Variants in CSMD3 observed in about 807,000 individuals in gnomAD.
The protein encoded by CSMD3 is CUB and Sushi multiple domains 3.
Under a neutral mutation model 435.2 loss-of-function variants are expected in CSMD3, and 177 were observed. The observed-to-expected ratio is 0.41, with a 90% CI of 0.36 to 0.46. CSMD3 has a LOEUF of 0.46. Among genes scored for constraint, CSMD3 ranks in the 20% least tolerant of loss-of-function variants. The pLI is 0.34. For synonymous variants in CSMD3, 1,656 were observed against 1,520.5 expected (o/e 1.09, Z -2.07); for missense variants, 4,265 against 4,504.6 (o/e 0.95, Z 1.52).
intron 7 of CSMD3, among the ~76,000 whole-genome samples, chr8:112,966,953 C>T (rs1030065759): frequency 1.3e-5 from 2 of 151,892 alleles, no homozygotes; most frequent in African/African-American, 4.8e-5. Flanking sequence ...GAGGAATAGA[C>T]AGTGTTGGGA....
intron 32 of CSMD3, among the ~76,000 whole-genome samples, chr8:112,424,753 G>A (rs1415255721): frequency 2.0e-5 from 3 of 152,140 alleles, no homozygotes; most frequent in South Asian, 2.1e-4. Flanking sequence ...GTACAGTGGC[G>A]TGATCTCGGC....
chr8:113,290,209 T>C (rs1039298565), intron 2 of CSMD3, among the ~76,000 whole-genome samples: 2 of 151,638 alleles, frequency 1.3e-5, no homozygotes, highest in African/African-American at 2.4e-5. Flanking sequence ...TTAAAAAATA[T>C]ATTAAGAAGA....
intron 41 of CSMD3, among the ~76,000 whole-genome samples, chr8:112,343,878 T>A (rs890742326): frequency 3.3e-5 from 5 of 151,678 alleles, no homozygotes; most frequent in Non-Finnish European, 7.4e-5. Flanking sequence ...ATTATTTATT[T>A]ATTATTTATT....
At chr8:112,412,614 A>G (rs1320388845) in intron 32 of CSMD3, among the ~76,000 whole-genome samples, 1 of 152,168 alleles carries the variant, frequency 6.6e-6, no homozygotes, top group Non-Finnish European at 1.5e-5. Flanking sequence ...AGTGGTATAT[A>G]TACTGTAGTA....
intron 10 of CSMD3, among the ~76,000 whole-genome samples, chr8:112,870,820 G>GAA (rs200086188): frequency 1.3e-5 from 2 of 150,060 alleles, no homozygotes; most frequent in Non-Finnish European, 3.0e-5. Flanking sequence ...TTATATTCTA[G>GAA]AAAAAAAAAG....
intron 4 of CSMD3, among the ~76,000 whole-genome samples, chr8:113,120,072 T>C (rs1260206129): frequency 6.6e-6 from 1 of 151,996 alleles, no homozygotes; most frequent in African/African-American, 2.4e-5. Context: ...AAAAATACAA[T>C]GTAAAATGTA....
chr8:112,828,232 G>C (rs1035531357), intron 12 of CSMD3, among the ~76,000 whole-genome samples: 1 of 152,134 alleles, frequency 6.6e-6, no homozygotes, highest in South Asian at 2.1e-4. Flanking sequence ...CAAAAATGCT[G>C]ATCATTTTCA....
chr8:112,955,532 C>T (rs1281456717), intron 7 of CSMD3, among the ~76,000 whole-genome samples: 2 of 151,730 alleles, frequency 1.3e-5, no homozygotes. Flanking sequence ...TATTCCAAAT[C>T]TTCTAGCTAT....
At chr8:113,131,808 C>T (rs955023843) in intron 4 of CSMD3, among the ~76,000 whole-genome samples, 9 of 152,172 alleles carry the variant, frequency 5.9e-5, no homozygotes, top group African/African-American at 1.9e-4. Context: ...TGAAAGCAGT[C>T]GTGGGGGCTG....
chr8:112,425,561 C>G (rs1421741288), intron 32 of CSMD3, among the ~76,000 whole-genome samples: 2 of 152,148 alleles, frequency 1.3e-5, no homozygotes, highest in African/African-American at 4.8e-5. Context: ...AAACAGGCCC[C>G]CAGCTACCCC....
chr8:112,251,862 T>G (rs1447493906), intron 63 of CSMD3, among the ~76,000 whole-genome samples: 3 of 151,896 alleles, frequency 2.0e-5, no homozygotes, highest in African/African-American at 7.2e-5. Context: ...GTTGCATCAA[T>G]TATTTTGACA....
At chr8:113,017,835 T>G (rs920903174) in intron 6 of CSMD3, among the ~76,000 whole-genome samples, 2 of 152,076 alleles carry the variant, frequency 1.3e-5, no homozygotes, top group Non-Finnish European at 2.9e-5. Context: ...CAAGTTACCA[T>G]GCCTAAACAG....
At chr8:113,162,525 A>G (rs926393969) in intron 4 of CSMD3, among the ~76,000 whole-genome samples, 3 of 148,028 alleles carry the variant, frequency 2.0e-5, no homozygotes. Flanking sequence ...AGATCACGCC[A>G]TTGCACTCCA....
At chr8:112,755,158 T>C (rs112077233) in intron 13 of CSMD3, among the ~76,000 whole-genome samples, 50,442 of 151,488 alleles carry the variant, frequency 0.33, 9,253 homozygotes, top group African/African-American at 0.5. Flanking sequence ...GGTGAAACCC[T>C]GTCTCTACTA....
chr8:112,796,233 A>T (rs1400791082), intron 13 of CSMD3, among the ~76,000 whole-genome samples: 1 of 152,134 alleles, frequency 6.6e-6, no homozygotes, highest in African/African-American at 2.4e-5. Flanking sequence ...CAGAGTTGCA[A>T]CTATATTCTG....
chr8:112,713,761 C>T (rs953539736), intron 13 of CSMD3, among the ~76,000 whole-genome samples: 6 of 152,092 alleles, frequency 3.9e-5, no homozygotes, highest in African/African-American at 1.2e-4. Flanking sequence ...AGAGTGGGGA[C>T]CAATATTCAA....
intron 13 of CSMD3, among the ~76,000 whole-genome samples, chr8:112,757,527 T>A (rs1587197085): frequency 1.3e-5 from 2 of 152,112 alleles, no homozygotes; most frequent in South Asian, 4.1e-4. Context: ...ATCATCAATA[T>A]AGGGTAATTA....
At chr8:112,687,956 C>G (rs1038953635) in intron 14 of CSMD3, among the ~76,000 whole-genome samples, 2 of 152,046 alleles carry the variant, frequency 1.3e-5, no homozygotes, top group African/African-American at 4.8e-5. Flanking sequence ...TAATTTGATC[C>G]TATAACTCCT....
chr8:112,365,417 CA>C (rs1827677775), intron 38 of CSMD3, among the ~76,000 whole-genome samples: 1 of 136,230 alleles, frequency 7.3e-6, no homozygotes, highest in African/African-American at 2.7e-5. Context: ...AAGGAGACTT[CA>C]AAAAGTTTGT....
Sources: gnomAD v4.1 joint callset for allele counts (sites outside exome capture counted in the v4.1 genomes callset) on GRCh38, gnomAD v4.1.1 for gene constraint, MANE v1.5 for transcripts, NCBI Gene and HGNC (gene_info 2026-07-23, HGNC 2026-07-21) for gene names.